The following CCDC102B variants were observed in gnomAD, a reference collection of about 807,000 sequenced individuals.
CCDC102B encodes coiled-coil domain containing 102B, also known as coiled-coil domain-containing protein 102B.
A neutral mutation model predicts 57.4 loss-of-function variants in CCDC102B; 75 were observed. That is an observed-to-expected ratio of 1.31 (90% CI 1.08 to 1.58). The LOEUF (loss-of-function observed/expected upper bound fraction) is 1.58, where lower values mean the gene tolerates loss of function less well. CCDC102B is among the 40% of genes most tolerant of loss of function. The pLI, the probability that CCDC102B is intolerant of heterozygous loss-of-function variation, is 0.00. For missense variants in CCDC102B, 636 were observed against 582.6 expected (o/e 1.09, Z -0.94); for synonymous variants, 206 against 201.9 (o/e 1.02, Z -0.17).
chr18:68,936,766 CA>C (rs1568340122), intron 6 of CCDC102B, among the ~76,000 whole-genome samples: 2 of 38,944 alleles, frequency 5.1e-5, no homozygotes, highest in Non-Finnish European at 3.1e-4. Flanking sequence ...TATATATACA[CA>C]CATACATACA....
chr18:68,853,823 C>A (rs1451321535), intron 4 of CCDC102B, among the ~76,000 whole-genome samples: 1 of 151,880 alleles, frequency 6.6e-6, no homozygotes, highest in Non-Finnish European at 1.5e-5. Context: ...GTGCTATAAG[C>A]ACACACACAC....
chr18:68,934,536 G>A (rs2041780968), intron 6 of CCDC102B, among the ~76,000 whole-genome samples: 1 of 152,050 alleles, frequency 6.6e-6, no homozygotes, highest in East Asian at 1.9e-4. Context: ...ACAGATTTAA[G>A]TTTGGCCCAG....
At chr18:69,057,648 C>CTATG (rs2052838554), downstream of CCDC102B, among the ~76,000 whole-genome samples, 1 of 152,010 alleles carries the variant, frequency 6.6e-6, no homozygotes, top group Non-Finnish European at 1.5e-5. Flanking sequence ...GACATTAATG[C>CTATG]TATGGCTTTA....
At chr18:68,771,325 T>C (rs1008969395) in intron 2 of CCDC102B, among the ~76,000 whole-genome samples, 5 of 152,328 alleles carry the variant, frequency 3.3e-5, no homozygotes, top group Middle Eastern at 6.8e-3. Flanking sequence ...ATGTAGACTA[T>C]GTGACTAGTC....
chr18:68,878,590 G>A (rs1440698382), intron 5 of CCDC102B, among the ~76,000 whole-genome samples: 3 of 152,080 alleles, frequency 2.0e-5, no homozygotes, highest in Non-Finnish European at 4.4e-5. Context: ...GTTAGCTCAC[G>A]CCTCTACCAT....
chr18:68,819,329 C>T (rs1048460873), intron 1 of CCDC102B, among the ~76,000 whole-genome samples: 1 of 151,884 alleles, frequency 6.6e-6, no homozygotes, highest in Non-Finnish European at 1.5e-5. Context: ...GACCTAGTTC[C>T]TTTTGTTGAA....
At chr18:68,851,862 G>A (rs1450015381) in intron 4 of CCDC102B, among the ~76,000 whole-genome samples, 2 of 152,096 alleles carry the variant, frequency 1.3e-5, no homozygotes, top group Admixed American at 1.3e-4. Flanking sequence ...TTTACACCGT[G>A]GGGAGCATTC....
intron 1 of CCDC102B, among the ~76,000 whole-genome samples, chr18:68,806,770 A>T (rs2036048563): frequency 6.6e-6 from 1 of 152,188 alleles, no homozygotes; most frequent in Non-Finnish European, 1.5e-5. Flanking sequence ...TTTTGATTTA[A>T]TCCAATCTTT....
chr18:69,037,622 C>T (rs1032365238), intron 7 of CCDC102B, among the ~76,000 whole-genome samples: 5 of 151,642 alleles, frequency 3.3e-5, no homozygotes, highest in African/African-American at 1.2e-4. Context: ...AGAAGGTTAA[C>T]AAAAGAAGAA....
At chr18:69,043,095 T>C (rs1360074221) in intron 7 of CCDC102B, among the ~76,000 whole-genome samples, 1 of 152,018 alleles carries the variant, frequency 6.6e-6, no homozygotes, top group Non-Finnish European at 1.5e-5. Context: ...GGGGAGAGGG[T>C]CAGCAGACAA....
At chr18:69,041,540 T>G (rs1051172859) in intron 7 of CCDC102B, among the ~76,000 whole-genome samples, 2 of 152,096 alleles carry the variant, frequency 1.3e-5, no homozygotes, top group African/African-American at 4.8e-5. Flanking sequence ...TTGGCCGGTT[T>G]AATGCCCAAA....
At chr18:69,048,999 A>G (rs2052633044) in intron 7 of CCDC102B, among the ~76,000 whole-genome samples, 2 of 151,548 alleles carry the variant, frequency 1.3e-5, no homozygotes, top group Admixed American at 6.6e-5. Flanking sequence ...AGAATCTGAA[A>G]TTCCTGTATG....
chr18:68,742,201 G>A (rs2033421981), intron 2 of CCDC102B, among the ~76,000 whole-genome samples: 1 of 152,142 alleles, frequency 6.6e-6, no homozygotes, highest in African/African-American at 2.4e-5. Context: ...TTTAGCTTCT[G>A]GTGATGGCTG....
chr18:68,863,538 C>A (rs575731700), intron 4 of CCDC102B, among the ~76,000 whole-genome samples: 1 of 151,898 alleles, frequency 6.6e-6, no homozygotes, highest in East Asian at 1.9e-4. Context: ...TATTTCTGCC[C>A]AAGTTATTAT....
chr18:68,885,247 G>A (rs533233474), intron 5 of CCDC102B, among the ~76,000 whole-genome samples: 17 of 151,970 alleles, frequency 1.1e-4, no homozygotes, highest in African/African-American at 4.1e-4. Flanking sequence ...ACAAAGATAA[G>A]GATGTAATAA....
intron 7 of CCDC102B, among the ~76,000 whole-genome samples, chr18:69,049,188 G>A (rs113675702): frequency 1.0e-3 from 153 of 151,884 alleles, no homozygotes; most frequent in African/African-American, 3.2e-3. Context: ...TATCCGTCCC[G>A]TAGTCCCCTA....
At position 69,030,103 on chromosome 18, in the gene CCDC102B, C is replaced by T. The variant is rs567135101; in HGVS notation, c.1434+18999C>T. 4.6e-5 allele frequency among the ~76,000 whole-genome samples: 7 copies of T among 152,216 alleles called. No homozygotes were observed. The East Asian group carries it at 1.3e-3, about 29-fold the overall frequency. ...ACTGCTTATTAGGTACCTCACACTT[C>T]TTTGCTGTTATTCAAAATAGCCTAA... On this transcript the variant is annotated intron_variant, in intron 7 of 7. Transcript: ENST00000360242.
intron 6 of CCDC102B, among the ~76,000 whole-genome samples, chr18:68,956,561 T>G (rs2049897777): frequency 1.6e-4 from 1 of 6,224 alleles, no homozygotes; most frequent in African/African-American, 3.9e-4. Flanking sequence ...ATATTATATA[T>G]ATTATATATT....
At position 68,836,957 on chromosome 18, in the gene CCDC102B, AC is replaced by A. The variant is rs1306719805; in HGVS notation, c.195del (p.Asn65LysfsTer61). ...HNFCAHSYNT[N>X]KWDICEELRL... is the part of the protein sequence containing the mutation. ...TTCTGTGCTCACTCATATAACACCA[AC>A]AAATGGGATATTTGTGAAGAACTTC... On this transcript the variant is annotated frameshift_variant, in exon 2 of 8. Transcript: ENST00000360242. LOFTEE classifies it high-confidence loss of function. 1 of 1,614,112 alleles carries A rather than the reference AC, an allele frequency of 6.2e-7. No homozygotes were observed. The highest frequency in any genetic ancestry group is 2.2e-5 in the East Asian group (1 of 44,864).
Sources: gnomAD v4.1 joint callset for allele counts (sites outside exome capture counted in the v4.1 genomes callset) on GRCh38, gnomAD v4.1.1 for gene constraint, MANE v1.5 for transcripts, NCBI Gene and HGNC (gene_info 2026-07-23, HGNC 2026-07-21) for gene names.